Variants in KCTD16 observed in about 807,000 individuals in gnomAD.
KCTD16 encodes potassium channel tetramerization domain containing 16.
KCTD16 carries 13 observed loss-of-function variants against 33.2 expected under a neutral mutation model. The observed-to-expected ratio is 0.39, with a 90% CI of 0.25 to 0.62. The LOEUF is 0.62. Among genes scored for constraint, KCTD16 ranks in the 20% least tolerant of loss-of-function variants. The pLI is 0.50. For missense variants in KCTD16, 441 were observed against 525.1 expected (o/e 0.84, Z 1.57); for synonymous variants, 197 against 195.3 (o/e 1.01, Z -0.07).
chr5:144,244,416 A>C (rs1205884687), intron 3 of KCTD16, among the ~76,000 whole-genome samples: 1 of 152,230 alleles, frequency 6.6e-6, no homozygotes, highest in Non-Finnish European at 1.5e-5. Flanking sequence ...TAGAGATAGG[A>C]AAGTCTATTT....
chr5:144,219,009 C>T (rs1473972179), intron 3 of KCTD16, among the ~76,000 whole-genome samples: 2 of 152,084 alleles, frequency 1.3e-5, no homozygotes, highest in Non-Finnish European at 2.9e-5. Flanking sequence ...GGATAAAAGC[C>T]TTAGTTCGGT....
intron 3 of KCTD16, among the ~76,000 whole-genome samples, chr5:144,278,660 G>A (rs1269557478): frequency 2.0e-5 from 3 of 151,362 alleles, no homozygotes; most frequent in Non-Finnish European, 2.9e-5. Flanking sequence ...ACCGCGCCCG[G>A]CTAATTTTTT....
chr5:144,329,482 G>A (rs1752297370), intron 3 of KCTD16, among the ~76,000 whole-genome samples: 1 of 152,120 alleles, frequency 6.6e-6, no homozygotes, highest in African/African-American at 2.4e-5. Context: ...GCTAAAAGAT[G>A]ACTCTTGTTT....
chr5:144,253,553 A>G (rs1441555971), intron 3 of KCTD16, among the ~76,000 whole-genome samples: 1 of 152,198 alleles, frequency 6.6e-6, no homozygotes, highest in Non-Finnish European at 1.5e-5. Flanking sequence ...GTGTAACTTT[A>G]CTACTTGGAT....
rs555841335 is a variant in KCTD16 at position 144,199,062 on chromosome 5, G to GA, written c.-326-7320dup. ...ATTTACACATATATAAAACTATTTA[G>GA]AAAAAAATTAAAATGCATTCTAAAG... On this transcript the variant is annotated intron_variant, in intron 2 of 3. Coordinates refer to ENST00000512467, the MANE Select transcript of KCTD16 (RefSeq NM_020768.4). Among the ~76,000 whole-genome samples, 7 of 152,116 alleles carry GA rather than the reference G, an allele frequency of 4.6e-5. No individual in the cohort carries two copies. In the East Asian group the frequency reaches 1.2e-3, roughly 25 times the overall value.
At chr5:144,339,817 A>T (rs1223912598) in intron 3 of KCTD16, among the ~76,000 whole-genome samples, 1 of 152,208 alleles carries the variant, frequency 6.6e-6, no homozygotes, top group Non-Finnish European at 1.5e-5. Flanking sequence ...ACAATAAAAT[A>T]CGCAGAAAGG....
chr5:144,382,173 C>T (rs1374995149), intron 3 of KCTD16, among the ~76,000 whole-genome samples: 7 of 152,110 alleles, frequency 4.6e-5, no homozygotes, highest in Admixed American at 2.6e-4. Context: ...CATATTCTCA[C>T]TTATACGTGG....
At position 144,419,205 on chromosome 5, in the gene KCTD16, A is replaced by G. The variant is rs75381443; in HGVS notation, c.833-54455A>G. Among the ~76,000 whole-genome samples, 67 of 152,226 alleles carry G rather than the reference A, an allele frequency of 4.4e-4. 1 individual carries two copies. The East Asian group carries it at 0.012, about 28-fold the overall frequency. ...CGTATTTTGGAGAAAATGCTCCCACACTATTGTAATTTGCATCCCTGATAT... is the reference window on the plus strand; with the variant it reads ...CGTATTTTGGAGAAAATGCTCCCACGCTATTGTAATTTGCATCCCTGATAT... On this transcript the variant is annotated intron_variant, in intron 3 of 3. Transcript: ENST00000512467.
At chr5:144,246,983 A>G (rs1379174914) in intron 3 of KCTD16, among the ~76,000 whole-genome samples, 1 of 152,176 alleles carries the variant, frequency 6.6e-6, no homozygotes, top group Non-Finnish European at 1.5e-5. Context: ...TTTGCAGTTC[A>G]TGTTCCTTTT....
At chr5:144,341,931 T>C (rs896952782) in intron 3 of KCTD16, among the ~76,000 whole-genome samples, 1 of 152,250 alleles carries the variant, frequency 6.6e-6, no homozygotes, top group Non-Finnish European at 1.5e-5. Context: ...CAGTCTTGTA[T>C]GTAAGCCATT....
At chr5:144,436,459 G>A (rs541179486) in intron 3 of KCTD16, among the ~76,000 whole-genome samples, 1 of 152,234 alleles carries the variant, frequency 6.6e-6, no homozygotes, top group African/African-American at 2.4e-5. Flanking sequence ...GAAAGAGAAA[G>A]GATTCTGGGT....
intron 3 of KCTD16, among the ~76,000 whole-genome samples, chr5:144,468,736 A>T (rs1005325064): frequency 1.3e-5 from 2 of 152,344 alleles, no homozygotes; most frequent in Admixed American, 6.5e-5. Context: ...TACATCATTG[A>T]CAGAGAAGAC....
At chr5:144,244,684 C>T (rs1317831810) in intron 3 of KCTD16, among the ~76,000 whole-genome samples, 1 of 152,132 alleles carries the variant, frequency 6.6e-6, no homozygotes, top group African/African-American at 2.4e-5. Context: ...TTTTAGATAT[C>T]TTTCCCAATG....
intron 3 of KCTD16, among the ~76,000 whole-genome samples, chr5:144,426,398 G>A (rs749994668): frequency 6.6e-6 from 1 of 151,996 alleles, no homozygotes; most frequent in East Asian, 1.9e-4. Context: ...CTCTTCTATT[G>A]AGCTCTCACC....
chr5:144,415,158 G>A (rs962301689), intron 3 of KCTD16, among the ~76,000 whole-genome samples: 1 of 152,140 alleles, frequency 6.6e-6, no homozygotes, highest in Non-Finnish European at 1.5e-5. Context: ...GGAAACAAGA[G>A]GGAGCCAATC....
intron 3 of KCTD16, among the ~76,000 whole-genome samples, chr5:144,335,843 A>G (rs961160990): frequency 6.6e-6 from 1 of 152,200 alleles, no homozygotes; most frequent in Admixed American, 6.5e-5. Context: ...GGAGGTGATT[A>G]GGGGCCAGAT....
intron 3 of KCTD16, among the ~76,000 whole-genome samples, chr5:144,220,768 C>G (rs1044321523): frequency 6.6e-6 from 1 of 151,936 alleles, no homozygotes; most frequent in African/African-American, 2.4e-5. Flanking sequence ...GGTGAAACCC[C>G]GTCTCTACTA....
chr5:144,393,730 T>C (rs1467591311), intron 3 of KCTD16, among the ~76,000 whole-genome samples: 1 of 152,200 alleles, frequency 6.6e-6, no homozygotes, highest in African/African-American at 2.4e-5. Flanking sequence ...ACCTGCATTC[T>C]GTAGTTTCAA....
At chr5:144,400,159 A>G (rs1752670254) in intron 3 of KCTD16, among the ~76,000 whole-genome samples, 2 of 152,220 alleles carry the variant, frequency 1.3e-5, no homozygotes, top group African/African-American at 4.8e-5. Context: ...CTTAACCAGG[A>G]TACAGTTCTT....
Sources: allele counts gnomAD v4.1 joint callset (sites outside exome capture counted in the v4.1 genomes callset), GRCh38; gene constraint gnomAD v4.1.1; transcripts MANE v1.5; gene names NCBI Gene and HGNC (gene_info 2026-07-23, HGNC 2026-07-21).